MSL1: variants seen among roughly 807,000 people sequenced by gnomAD.
MSL1 encodes MSL complex subunit 1, also known as male-specific lethal 1 homolog.
A neutral mutation model predicts 64.6 loss-of-function variants in MSL1; 21 were observed. The observed-to-expected ratio is 0.33, with a 90% CI of 0.23 to 0.47. The LOEUF is 0.47. Ranked by LOEUF, MSL1 falls within the 20% of genes least tolerant of loss-of-function variation. The pLI is 1.00. For missense variants in MSL1, 664 were observed against 793.2 expected (o/e 0.84, Z 1.96); for synonymous variants, 339 against 329.6 (o/e 1.03, Z -0.31).
Position 40,122,898 on chromosome 17 carries a change from T to C in MSL1, c.286T>C (p.Trp96Arg). Residue 96 changes from tryptophan (W) to arginine (R), a missense_variant, in exon 1 of 9, where the codon TGG becomes CGG. Around this residue, in one of 4 missense-constraint regions of MSL1, gnomAD observed 466 missense variants for 499.0 expected, o/e 0.93. Transcript: ENST00000398532. This position sits in a 1 kb window ranked among gnomAD's most constrained non-coding sequence, Gnocchi z 4.2. The stretch of plus-strand genomic sequence containing the variant: ...GGCCCCCGGGCAGCAGGAAGAGAGC[T>C]GGGGCGGTTCGGTGCCCTTGCCCTG... ...GAAPGQQEES[W>R]GGSVPLPCPP... 1 of 1,473,422 alleles carries C rather than the reference T, an allele frequency of 6.8e-7. No individual in the cohort carries two copies. The highest frequency in any genetic ancestry group is 8.9e-7 in the Non-Finnish European group (1 of 1,120,250). 91.3% of individuals were successfully genotyped at this position (1,473,422 alleles called of 1,614,324 possible).
intron 2 of MSL1, among the ~76,000 whole-genome samples, chr17:40,129,007 C>CT (rs1460696696): frequency 6.6e-6 from 1 of 151,968 alleles, no homozygotes; most frequent in African/African-American, 2.4e-5. Context: ...GAGCAAGACT[C>CT]TGTCTCAAAA....
chr17:40,128,136 G>A (rs1010719718), intron 2 of MSL1, among the ~76,000 whole-genome samples: 1 of 151,954 alleles, frequency 6.6e-6, no homozygotes, highest in Non-Finnish European at 1.5e-5. Context: ...TTAAAATTTA[G>A]GTTGGTAAAG....
chr17:40,129,659 C>T, intron 3 of MSL1, 32 bp downstream of exon 3: 1 of 1,511,272 alleles, frequency 6.6e-7, no homozygotes. Flanking sequence ...CTCTTATACC[C>T]TAGTGGTGGC....
At position 40,134,667 on chromosome 17, in the gene MSL1, C is replaced by A. The variant is rs148130269; in HGVS notation, c.*298C>A. 2,298 of 362,498 alleles carry A rather than the reference C, an allele frequency of 6.3e-3. 10 individuals carry two copies. Among genetic ancestry groups the A allele is most frequent in the Non-Finnish European group, 9.5e-3 (1,838 of 194,052 alleles). 22.5% of individuals were successfully genotyped at this position (362,498 alleles called of 1,614,324 possible). A position where few individuals can be genotyped will look rare whatever the true frequency, so the allele number is the denominator to read the frequency against. The stretch of plus-strand genomic sequence containing the variant: ...TCAGGGGTCTGTTTCTATACATTTG[C>A]CTATGTTAAAGGGGTAAAAGGGCTC... On this transcript the variant is annotated 3_prime_UTR_variant, in exon 9 of 9. Coordinates refer to ENST00000398532, the MANE Select transcript of MSL1 (RefSeq NM_001365919.1).
intron 6 of MSL1, 51 bp downstream of exon 6, chr17:40,133,160 A>AC: frequency 1.3e-6 from 2 of 1,518,352 alleles, no homozygotes; most frequent in Non-Finnish European, 1.8e-6. Context: ...AGGACCTAGG[A>AC]CAGAGTATCA....
Position 40,126,527 on chromosome 17 carries a change from G to A in MSL1, c.992+121G>A, listed in dbSNP as rs377594122. On this transcript the variant is annotated intron_variant, in intron 2 of 8. Transcript: ENST00000398532. ...TGCTTTAGAAGTCTTCTATGCGGAG[G>A]GCCGGGTGTGGTGGCTCACACCTGT... 8.9e-4 allele frequency: 818 copies of A among 920,360 alleles called. 7 individuals carry two copies. The Middle Eastern group carries it at 0.025, about 28-fold the overall frequency. The allele number at this position is 920,360 out of a possible 1,614,324, so 57.0% of individuals were successfully genotyped here. A position where few individuals can be genotyped will look rare whatever the true frequency, so the allele number is the denominator to read the frequency against.
rs1988226976 is a variant in MSL1 at position 40,123,084 on chromosome 17, G to A, written c.472G>A (p.Gly158Arg). The change falls in exon 1 of 9, where the codon GGG becomes AGG. Residue 158 changes from glycine (G) to arginine (R), a missense_variant. Gly to Arg is a moderately radical substitution (Grantham distance 125). Transcript: ENST00000398532. Reference protein sequence around the residue: ...EPTPWAGDKGGAASPAATASD... With the variant: ...EPTPWAGDKGRAASPAATASD... ...TACGCCCTGGGCTGGGGACAAGGGT[G>A]GGGCGGCCTCCCCCGCTGCCACCGC... is the stretch of plus-strand genomic sequence containing the variant. 1.3e-6 allele frequency: 2 copies of A among 1,530,170 alleles called. No individual in the cohort carries two copies. The highest frequency in any genetic ancestry group is 1.4e-5 in the African/African-American group (1 of 72,750). The allele number at this position is 1,530,170 out of a possible 1,614,324, so 94.8% of individuals were successfully genotyped here. A position where few individuals can be genotyped will look rare whatever the true frequency, so the allele number is the denominator to read the frequency against.
At chr17:40,126,596 C>T (rs1988321409) in intron 2 of MSL1, 190 bp downstream of exon 2, 1 of 588,750 alleles carries the variant, frequency 1.7e-6, no homozygotes, top group Non-Finnish European at 3.0e-6. Context: ...ATCATGAGGT[C>T]AAGAGATAGA....
intron 6 of MSL1, 104 bp downstream of exon 6, chr17:40,133,213 G>A (rs1260089217): frequency 1.9e-6 from 2 of 1,059,362 alleles, no homozygotes; most frequent in Non-Finnish European, 1.4e-6. Flanking sequence ...GAATCTTGGA[G>A]TGCTTAACAC....
rs1267703167 is a variant in MSL1 at position 40,123,174 on chromosome 17, A to C, written c.562A>C (p.Thr188Pro). The C allele has an allele frequency of 6.5e-7, 1 of 1,534,336 alleles. No individual in the cohort carries two copies. Among genetic ancestry groups the C allele is most frequent in the South Asian group, 1.2e-5 (1 of 83,990 alleles). ...PGPPPLAPTA[T>P]AGTLAASEGR... Reference sequence around the variant, plus strand: ...GCCGCCACCCCTCGCGCCCACCGCCACCGCCGGGACCCTGGCGGCCAGCGA... The same window carrying C: ...GCCGCCACCCCTCGCGCCCACCGCCCCCGCCGGGACCCTGGCGGCCAGCGA... Residue 188 changes from threonine (T) to proline (P), a missense_variant, in exon 1 of 9, where the codon ACC becomes CCC. By Grantham distance (38) the Thr-to-Pro change is conservative. Around this residue, in one of 4 missense-constraint regions of MSL1, gnomAD observed 466 missense variants for 499.0 expected, o/e 0.93. Coordinates refer to ENST00000398532, the MANE Select transcript of MSL1 (RefSeq NM_001365919.1).
chr17:40,135,335 T>G lies in MSL1; in HGVS notation c.*966T>G, dbSNP rs1423617430. 2 of 152,176 alleles carry G rather than the reference T, an allele frequency of 1.3e-5. No individual in the cohort carries two copies. The highest frequency in any genetic ancestry group is 4.8e-5 in the African/African-American group (2 of 41,380). 9.4% of individuals were successfully genotyped at this position (152,176 alleles called of 1,614,324 possible). A position where few individuals can be genotyped will look rare whatever the true frequency, so the allele number is the denominator to read the frequency against. On this transcript the variant is annotated 3_prime_UTR_variant, in exon 9 of 9. Coordinates refer to ENST00000398532, the MANE Select transcript of MSL1 (RefSeq NM_001365919.1). ...TACCTAATGAGCTTCTCCATTCACTTTGTAAAAATAATTTGTATGTGTACC... is the reference window on the plus strand; with the variant it reads ...TACCTAATGAGCTTCTCCATTCACTGTGTAAAAATAATTTGTATGTGTACC...
intron 1 of MSL1, among the ~76,000 whole-genome samples, 187 bp downstream of exon 1, chr17:40,123,567 G>A (rs1280513765): frequency 6.6e-6 from 1 of 151,936 alleles, no homozygotes; most frequent in East Asian, 1.9e-4. Context: ...TGGAGGGAAG[G>A]GTTAAAGGGC....
chr17:40,131,940 A>C lies in MSL1; in HGVS notation c.1424-94A>C. ...CTTGGTAACTTTGTCTCTTCTGGGG[A>C]GAGACCTCTTATCCTAGTGAATAGT... On this transcript the variant is annotated intron_variant, in intron 4 of 8. Transcript: ENST00000398532. The surrounding 1 kb of genome is among the most constrained non-coding windows in gnomAD (Gnocchi z 4.5). 1.1e-6 allele frequency: 1 copy of C among 878,176 alleles called. No individual in the cohort carries two copies. The highest frequency in any genetic ancestry group is 1.8e-6 in the Non-Finnish European group (1 of 553,646). The allele number at this position is 878,176 out of a possible 1,614,324, so 54.4% of individuals were successfully genotyped here.
chr17:40,134,019 A>G (rs930082146), intron 8 of MSL1, 120 bp downstream of exon 8: 1 of 884,950 alleles, frequency 1.1e-6, no homozygotes, highest in African/African-American at 1.7e-5. Context: ...TCTTTGACAG[A>G]AATGAGGCTA....
chr17:40,122,963 G>A lies in MSL1; in HGVS notation c.351G>A (p.Glu117=), dbSNP rs1022780696. 17 of 1,526,578 alleles carry A rather than the reference G, an allele frequency of 1.1e-5. No homozygotes were observed. In the Admixed American group the frequency reaches 2.8e-4, roughly 25 times the overall value. 94.6% of individuals were successfully genotyped at this position (1,526,578 alleles called of 1,614,324 possible). The change falls in exon 1 of 9, where the codon GAG becomes GAA. Residue 117 remains glutamate, a synonymous_variant. Coordinates refer to ENST00000398532, the MANE Select transcript of MSL1 (RefSeq NM_001365919.1). This position sits in a 1 kb window ranked among gnomAD's most constrained non-coding sequence, Gnocchi z 4.2. ...PATKQAGIGG[E]PAAAGAGCSP... is the part of the protein sequence containing the mutation. Reference sequence around the variant, plus strand: ...CCAAGCAAGCCGGCATTGGGGGGGAGCCTGCCGCAGCCGGAGCCGGCTGCA... The same window carrying A: ...CCAAGCAAGCCGGCATTGGGGGGGAACCTGCCGCAGCCGGAGCCGGCTGCA...
intron 8 of MSL1, 32 bp downstream of exon 8, chr17:40,133,931 G>T: frequency 1.9e-6 from 3 of 1,573,136 alleles, no homozygotes; most frequent in Non-Finnish European, 2.6e-6. Context: ...CCCCTTCCAG[G>T]TAACCTGCAC....
At chr17:40,123,411 G>C (rs1212500413) in intron 1 of MSL1, 31 bp downstream of exon 1, 2 of 1,530,874 alleles carry the variant, frequency 1.3e-6, no homozygotes, top group Non-Finnish European at 1.7e-6. Flanking sequence ...CATTCGGGCC[G>C]AGGAGCGAGT....
intron 2 of MSL1, among the ~76,000 whole-genome samples, chr17:40,128,083 C>T (rs1293923574): frequency 6.6e-6 from 1 of 152,040 alleles, no homozygotes; most frequent in Non-Finnish European, 1.5e-5. Flanking sequence ...GATCGCACCA[C>T]TGCACTCCAC....
chr17:40,129,476 C>G lies in MSL1; in HGVS notation c.1224C>G (p.Ser408Arg). ...PRLSTPQKGPSTHPKEKAFSS... is the reference protein window; with the variant it reads ...PRLSTPQKGPRTHPKEKAFSS... ...TCTCCACTCCCCAAAAGGGACCCAG[C>G]ACCCATCCCAAGGAGAAAGCCTTCT... The change falls in exon 3 of 9, where the codon AGC becomes AGG. Residue 408 changes from serine (S) to arginine (R), a missense_variant. By Grantham distance (110) the Ser-to-Arg change is moderately radical (BLOSUM62 -1). This residue lies in a region of MSL1 where 119 missense variants were observed against 164.3 expected (regional missense o/e 0.72). Transcript: ENST00000398532. 1 of 1,613,918 alleles carries G rather than the reference C, an allele frequency of 6.2e-7. No individual in the cohort carries two copies. The highest frequency in any genetic ancestry group is 1.3e-5 in the African/African-American group (1 of 75,008).
Sources: allele counts gnomAD v4.1 joint callset (sites outside exome capture counted in the v4.1 genomes callset), GRCh38; gene constraint gnomAD v4.1.1; regional missense constraint gnomAD v4.1.1; non-coding constraint Gnocchi (gnomAD v3.1); transcripts MANE v1.5; gene names NCBI Gene and HGNC (gene_info 2026-07-23, HGNC 2026-07-21).